Variants in CELF2 observed in about 807,000 individuals in gnomAD.
CELF2 encodes the protein CUG triplet repeat RNA-binding protein 2.
Under a neutral mutation model 62.6 loss-of-function variants are expected in CELF2, and 8 were observed. That is an observed-to-expected ratio of 0.13 (90% CI 0.07 to 0.23). The LOEUF (loss-of-function observed/expected upper bound fraction) is 0.23. Ranked by LOEUF, CELF2 falls within the 10% of genes least tolerant of loss-of-function variation. CELF2 has a pLI of 1.00. For missense variants in CELF2, 333 were observed against 671.0 expected, an observed-to-expected ratio of 0.50 and a Z score of 5.56; for synonymous variants, 258 against 250.0, an observed-to-expected ratio of 1.03 and a Z score of -0.30.
the CELF2 span, among the ~76,000 whole-genome samples, chr10:10,679,434 C>G: frequency 6.6e-6 from 1 of 152,112 alleles, no homozygotes; most frequent in Non-Finnish European, 1.5e-5. Context: ...AGAATACAGG[C>G]ACCCTCCACC....
chr10:10,543,052 T>C, the CELF2 span, among the ~76,000 whole-genome samples: 1 of 152,206 alleles, frequency 6.6e-6, no homozygotes, highest in Non-Finnish European at 1.5e-5. Flanking sequence ...TCCCAGCTGA[T>C]TGCAGATTCT....
intron 2 of CELF2, among the ~76,000 whole-genome samples, chr10:11,205,699 C>T (rs1334087039): frequency 1.3e-5 from 2 of 152,194 alleles, no homozygotes; most frequent in Non-Finnish European, 2.9e-5. Context: ...CATGAGAACT[C>T]AGGGACCACC....
the CELF2 span, among the ~76,000 whole-genome samples, chr10:10,738,519 A>G: frequency 6.6e-6 from 1 of 152,184 alleles, no homozygotes; most frequent in African/African-American, 2.4e-5. Flanking sequence ...ATGCCTCTTT[A>G]TCTTTGTGCT....
chr10:10,809,845 G>A (rs770748834), intron 1 of CELF2, among the ~76,000 whole-genome samples: 3 of 152,110 alleles, frequency 2.0e-5, no homozygotes, highest in Non-Finnish European at 4.4e-5. Flanking sequence ...ATTAGTTTAT[G>A]TGACTGGTAA....
the CELF2 span, among the ~76,000 whole-genome samples, chr10:10,530,019 T>C: frequency 0.66 from 101,003 of 152,030 alleles, 33,815 homozygotes; most frequent in East Asian, 0.86. Context: ...TACTCATTGA[T>C]TTTCCCCACT....
At chr10:10,889,323 A>G (rs899543737) in intron 1 of CELF2, among the ~76,000 whole-genome samples, 3 of 152,220 alleles carry the variant, frequency 2.0e-5, no homozygotes, top group South Asian at 4.1e-4. Context: ...ATAAAATCAT[A>G]TACTGTACTC....
intron 1 of CELF2, among the ~76,000 whole-genome samples, chr10:11,123,805 A>G (rs2058199351): frequency 6.6e-6 from 1 of 152,240 alleles, no homozygotes; most frequent in Non-Finnish European, 1.5e-5. Context: ...TTAAGCTAAT[A>G]TGTACAGTAA....
chr10:10,693,650 T>C, the CELF2 span, among the ~76,000 whole-genome samples: 1 of 151,586 alleles, frequency 6.6e-6, no homozygotes, highest in Non-Finnish European at 1.5e-5. Flanking sequence ...CTGGACTCTT[T>C]TTGGTTGGTA....
At position 11,316,651 on chromosome 10, in the gene CELF2, T is replaced by C. The variant is rs2095012773; in HGVS notation, c.1096+2393T>C. 6.6e-6 allele frequency among the ~76,000 whole-genome samples: 1 copy of C among 152,110 alleles called. No individual in the cohort carries two copies. Among genetic ancestry groups the C allele is most frequent in the Non-Finnish European group, 1.5e-5 (1 of 68,014 alleles). ...CTGCAGCAGCCATTATCTGTTTCCATATGGAGAGTATTCAGGTTTTCTGAA... is the reference window on the plus strand; with the variant it reads ...CTGCAGCAGCCATTATCTGTTTCCACATGGAGAGTATTCAGGTTTTCTGAA... On this transcript the variant is annotated intron_variant, in intron 10 of 12. Transcript: ENST00000633077. The surrounding 1 kb of genome is among the most constrained non-coding windows in gnomAD (Gnocchi z 4.4).
intron 1 of CELF2, among the ~76,000 whole-genome samples, chr10:11,093,135 T>C (rs2048787084): frequency 6.6e-6 from 1 of 152,200 alleles, no homozygotes. Flanking sequence ...TTGTCTCCTC[T>C]AGCTTTTTTG....
At chr10:11,181,488 A>G (rs2073361581) in intron 2 of CELF2, among the ~76,000 whole-genome samples, 1 of 152,144 alleles carries the variant, frequency 6.6e-6, no homozygotes, top group Non-Finnish European at 1.5e-5. Flanking sequence ...GAGTCTTGCC[A>G]TTTCCTCTAC....
chr10:11,304,074 G>A (rs2094000121), intron 9 of CELF2, among the ~76,000 whole-genome samples: 2 of 152,150 alleles, frequency 1.3e-5, no homozygotes, highest in Admixed American at 6.5e-5. Flanking sequence ...CAACCTCATG[G>A]CTTAAAACAA....
chr10:10,686,466 T>C, the CELF2 span, among the ~76,000 whole-genome samples: 13 of 152,252 alleles, frequency 8.5e-5, no homozygotes, highest in African/African-American at 2.4e-4. Context: ...AGCAGTGTTA[T>C]GGTTTGGCTC....
rs2053825659 is a variant in CELF2, at chr10:10,995,149, C to T, written c.89+75150C>T. On this transcript the variant is annotated intron_variant, in intron 2 of 13. Transcript: ENST00000636488. The surrounding 1 kb of genome is among the most constrained non-coding windows in gnomAD (Gnocchi z 4.7). ...GTTATAAGTTCCTTAAGGGCAGGAG[C>T]TATGCCCCGTGCCTCTTTTGAATCC... Among the ~76,000 whole-genome samples, 1 of 152,246 alleles carries T rather than the reference C, an allele frequency of 6.6e-6. No homozygotes were observed. Among genetic ancestry groups the T allele is most frequent in the Non-Finnish European group, 1.5e-5 (1 of 68,048 alleles).
the CELF2 span, among the ~76,000 whole-genome samples, chr10:10,663,620 A>G: frequency 6.6e-6 from 1 of 152,196 alleles, no homozygotes. Context: ...TTGTTTGTGG[A>G]TGCTGGAAAA....
At chr10:10,642,833 G>T in the CELF2 span, among the ~76,000 whole-genome samples, 2 of 152,208 alleles carry the variant, frequency 1.3e-5, no homozygotes, top group African/African-American at 4.8e-5. Flanking sequence ...CACTGCTTGG[G>T]TTGCACCGGC....
At chr10:11,001,052 G>A (rs991499257), upstream of CELF2, among the ~76,000 whole-genome samples, 1 of 152,106 alleles carries the variant, frequency 6.6e-6, no homozygotes, top group Non-Finnish European at 1.5e-5. Context: ...CCATTTGCAC[G>A]TGTATTTATC....
At chr10:10,700,702 T>C in the CELF2 span, among the ~76,000 whole-genome samples, 1 of 152,250 alleles carries the variant, frequency 6.6e-6, no homozygotes, top group African/African-American at 2.4e-5. Flanking sequence ...GGCTACCTAT[T>C]CTTTGCCTTG....
intron 11 of CELF2, 89 bp from the exon 12 acceptor site, chr10:11,325,747 C>G (rs906224837): frequency 8.5e-7 from 1 of 1,176,450 alleles, no homozygotes; most frequent in African/African-American, 1.5e-5. Flanking sequence ...AAATGCTTAG[C>G]CTACCTGTTG....
Sources: gnomAD v4.1 joint callset for allele counts (sites outside exome capture counted in the v4.1 genomes callset) on GRCh38, gnomAD v4.1.1 for gene constraint, Gnocchi (gnomAD v3.1) non-coding constraint, MANE v1.5 for transcripts, NCBI Gene and HGNC (gene_info 2026-07-23, HGNC 2026-07-21) for gene names.